SGCD: variants seen among roughly 807,000 people sequenced by gnomAD.
SGCD encodes the protein delta-sarcoglycan.
A neutral mutation model predicts 36.6 loss-of-function variants in SGCD; 18 were observed. The ratio of observed to expected loss-of-function variants is 0.49; its 90% CI spans 0.34 to 0.73. The LOEUF (loss-of-function observed/expected upper bound fraction) is 0.73, where lower values mean the gene tolerates loss of function less well. Among genes scored for constraint, SGCD ranks in the 30% least tolerant of loss-of-function variants. SGCD has a pLI of 0.01. For synonymous variants in SGCD, 133 were observed against 130.6 expected, an observed-to-expected ratio of 1.02 and a Z score of -0.12; for missense variants, 387 against 346.7, an observed-to-expected ratio of 1.12 and a Z score of -0.92.
At chr5:156,439,497 C>T (rs1753391906) in intron 3 of SGCD, among the ~76,000 whole-genome samples, 1 of 152,018 alleles carries the variant, frequency 6.6e-6, no homozygotes, top group South Asian at 2.1e-4. Context: ...CCTCAGGAGC[C>T]TGTTTAAATC....
intron 7 of SGCD, among the ~76,000 whole-genome samples, chr5:156,709,391 C>G (rs757830104): frequency 1.1e-4 from 16 of 152,320 alleles, no homozygotes; most frequent in South Asian, 2.1e-4. Flanking sequence ...CCTCTCCATA[C>G]TAACACTGTT....
At chr5:156,000,689 C>T (rs1055592823) in intron 1 of SGCD, among the ~76,000 whole-genome samples, 10 of 152,050 alleles carry the variant, frequency 6.6e-5, no homozygotes, top group African/African-American at 1.4e-4. Flanking sequence ...GAAGCCCCTC[C>T]GAGGAACCCT....
At chr5:156,006,372 A>C (rs1384284196) in intron 1 of SGCD, among the ~76,000 whole-genome samples, 1 of 152,186 alleles carries the variant, frequency 6.6e-6, no homozygotes, top group Non-Finnish European at 1.5e-5. Flanking sequence ...TTGAAGTCAA[A>C]AGCCTTTTTT....
At chr5:156,415,341 A>G (rs186503391) in intron 3 of SGCD, among the ~76,000 whole-genome samples, 1 of 152,256 alleles carries the variant, frequency 6.6e-6, no homozygotes, top group African/African-American at 2.4e-5. Context: ...TTTTTTTCCC[A>G]TCATATGGCA....
intron 1 of SGCD, among the ~76,000 whole-genome samples, chr5:156,075,583 C>A (rs542022151): frequency 1.3e-5 from 2 of 152,096 alleles, no homozygotes; most frequent in Admixed American, 6.5e-5. Context: ...GAGAGGTGAA[C>A]AAATTCTATT....
chr5:156,081,070 C>T (rs920895849), intron 1 of SGCD, among the ~76,000 whole-genome samples: 2 of 152,144 alleles, frequency 1.3e-5, no homozygotes, highest in Non-Finnish European at 2.9e-5. Context: ...GTACAGGAGG[C>T]ATTGTGCCAG....
At position 156,006,837 on chromosome 5, in the gene SGCD, G is replaced by C. The variant is rs1758768031; in HGVS notation, c.-281-111041G>C. Among the ~76,000 whole-genome samples the C allele has an allele frequency of 2.6e-5, 4 of 152,254 alleles. No homozygotes were observed. In the South Asian group the frequency reaches 8.3e-4, roughly 32 times the overall value. ...TAATCACTCAAAATACATGTGTTGAGGGGAGAGTTTCTACACATACCCATT... is the reference window on the plus strand; with the variant it reads ...TAATCACTCAAAATACATGTGTTGACGGGAGAGTTTCTACACATACCCATT... On this transcript the variant is annotated intron_variant, in intron 1 of 9. Coordinates refer to the SGCD transcript ENST00000517913.
intron 4 of SGCD, among the ~76,000 whole-genome samples, chr5:156,510,123 C>CT (rs1162912153): frequency 1.3e-5 from 2 of 152,066 alleles, no homozygotes; most frequent in Non-Finnish European, 2.9e-5. Context: ...TTCTTGTGTG[C>CT]TTAGTAAAAG....
chr5:156,227,113 C>T (rs994043987), intron 3 of SGCD, among the ~76,000 whole-genome samples: 6 of 152,040 alleles, frequency 3.9e-5, no homozygotes, highest in Admixed American at 2.0e-4. Flanking sequence ...TAAGTTGCAG[C>T]TATATATCTT....
the SGCD span, among the ~76,000 whole-genome samples, chr5:155,737,045 G>A: frequency 6.6e-5 from 10 of 152,212 alleles, no homozygotes; most frequent in Admixed American, 5.9e-4. Context: ...TGAGGGTTGG[G>A]CAAGTTAACT....
intron 1 of SGCD, among the ~76,000 whole-genome samples, chr5:156,069,042 G>C (rs1246446882): frequency 6.6e-6 from 1 of 152,084 alleles, no homozygotes; most frequent in Non-Finnish European, 1.5e-5. Flanking sequence ...CAGATGAGTA[G>C]ATTGCAAAAA....
chr5:156,019,800 C>T lies in SGCD; in HGVS notation c.-281-98078C>T, dbSNP rs553088205. Among the ~76,000 whole-genome samples the T allele has an allele frequency of 1.3e-3, 197 of 152,252 alleles. 1 individual carries two copies. Among genetic ancestry groups the T allele is most frequent in the African/African-American group, 4.5e-3 (185 of 41,554 alleles). On this transcript the variant is annotated intron_variant, in intron 1 of 9. Transcript: ENST00000517913. The stretch of plus-strand genomic sequence containing the variant: ...ACCATCCATAATGTGCGGTAGTGAT[C>T]GTATTATTTCTTTCTTCACTAATCT...
At chr5:156,250,553 A>AG (rs1765549636) in intron 3 of SGCD, among the ~76,000 whole-genome samples, 1 of 152,184 alleles carries the variant, frequency 6.6e-6, no homozygotes, top group Admixed American at 6.5e-5. Context: ...ACACTGCTCT[A>AG]GTCCAGTTTG....
the SGCD span, among the ~76,000 whole-genome samples, chr5:155,794,770 A>G: frequency 6.6e-6 from 1 of 152,144 alleles, no homozygotes; most frequent in East Asian, 1.9e-4. Context: ...CAAAGGTCTA[A>G]TGGCTATGAA....
intron 1 of SGCD, among the ~76,000 whole-genome samples, chr5:155,895,668 T>C (rs1332106897): frequency 7.0e-6 from 1 of 143,632 alleles, no homozygotes; most frequent in Non-Finnish European, 1.5e-5. Flanking sequence ...AATGACTGTA[T>C]GATTTCTTGT....
At chr5:155,862,369 C>T in the SGCD span, among the ~76,000 whole-genome samples, 1 of 152,110 alleles carries the variant, frequency 6.6e-6, no homozygotes, top group Non-Finnish European at 1.5e-5. Context: ...CAAAGGGTTA[C>T]CTAGGCTAGA....
chr5:155,963,550 A>G (rs1757835480), intron 1 of SGCD, among the ~76,000 whole-genome samples: 1 of 152,080 alleles, frequency 6.6e-6, no homozygotes, highest in East Asian at 1.9e-4. Flanking sequence ...CATACTAGGT[A>G]TTGTCCTAAT....
At chr5:155,953,856 T>C (rs1302863748) in intron 1 of SGCD, among the ~76,000 whole-genome samples, 2 of 152,224 alleles carry the variant, frequency 1.3e-5, no homozygotes, top group African/African-American at 2.4e-5. Flanking sequence ...CGTTAAAATA[T>C]CCAATTTATC....
At chr5:156,622,642 A>G (rs1208583915) in intron 6 of SGCD, among the ~76,000 whole-genome samples, 1 of 152,010 alleles carries the variant, frequency 6.6e-6, no homozygotes, top group Non-Finnish European at 1.5e-5. Context: ...GGAAAACCGT[A>G]TTTTTATGTG....
Sources: allele counts gnomAD v4.1 joint callset (sites outside exome capture counted in the v4.1 genomes callset), GRCh38; gene constraint gnomAD v4.1.1; transcripts MANE v1.5; gene names NCBI Gene and HGNC (gene_info 2026-07-23, HGNC 2026-07-21).